PTPRD: variants seen among roughly 807,000 people sequenced by gnomAD.
PTPRD encodes receptor-type tyrosine-protein phosphatase delta.
A neutral mutation model predicts 214.5 loss-of-function variants in PTPRD; 34 were observed. The ratio of observed to expected loss-of-function variants is 0.16; its 90% CI spans 0.12 to 0.21. The LOEUF (loss-of-function observed/expected upper bound fraction) is 0.21, where lower values mean the gene tolerates loss of function less well. Ranked by LOEUF, PTPRD falls within the 10% of genes least tolerant of loss-of-function variation. The probability of loss-of-function intolerance (pLI) is 1.00; values close to 1 mark genes in which losing one functional copy is unlikely to be tolerated. For missense variants in PTPRD, 2,545 were observed against 2,398.7 expected (o/e 1.06, Z -1.27); for synonymous variants, 1,128 against 845.7 (o/e 1.33, Z -5.79).
chr9:8,939,510 T>C (rs556054581), intron 11 of PTPRD, among the ~76,000 whole-genome samples: 1 of 152,282 alleles, frequency 6.6e-6, no homozygotes, highest in South Asian at 2.1e-4. Context: ...GTAAATAAAA[T>C]GTATAGCATT....
intron 5 of PTPRD, among the ~76,000 whole-genome samples, chr9:9,864,260 C>G (rs1191928259): frequency 6.6e-6 from 1 of 151,626 alleles, no homozygotes. Context: ...GAGCCGAGAT[C>G]GCGCCTCTGC....
Position 10,533,201 on chromosome 9 carries a change from C to T in PTPRD, c.-600+79197G>A, listed in dbSNP as rs1324052707. Among the ~76,000 whole-genome samples the T allele has an allele frequency of 6.6e-5, 10 of 152,092 alleles. No individual in the cohort carries two copies. In the South Asian group the frequency reaches 1.9e-3, roughly 28 times the overall value. ...GAGTGGAAGCAGCCTGAGGCCCTCACCAGATGTCACCACTCAATTGTAAAC... is the reference window on the plus strand; with the variant it reads ...GAGTGGAAGCAGCCTGAGGCCCTCATCAGATGTCACCACTCAATTGTAAAC... On this transcript the variant is annotated intron_variant, in intron 2 of 45. Transcript: ENST00000381196.
intron 8 of PTPRD, among the ~76,000 whole-genome samples, chr9:9,498,311 T>C (rs1036195249): frequency 2.6e-5 from 4 of 152,262 alleles, no homozygotes; most frequent in Admixed American, 6.5e-5. Flanking sequence ...ACATAAATGA[T>C]GTATTGCACA....
At position 8,584,335 on chromosome 9, in the gene PTPRD, G is replaced by T. The variant is rs182990435; in HGVS notation, c.352+48982C>A. 1.8e-3 allele frequency among the ~76,000 whole-genome samples: 281 copies of T among 151,948 alleles called. 2 individuals are homozygous for T. The highest frequency in any genetic ancestry group is 3.5e-3 in the Non-Finnish European group (236 of 67,984). On this transcript the variant is annotated intron_variant, in intron 14 of 45. Coordinates refer to ENST00000381196, the MANE Select transcript of PTPRD (RefSeq NM_002839.4). ...ACGATGTCTTTTCTGGTCACATCTTGCAACCAAACCCCAGACCATTAGGTT... is the reference window on the plus strand; with the variant it reads ...ACGATGTCTTTTCTGGTCACATCTTTCAACCAAACCCCAGACCATTAGGTT...
chr9:8,518,145 C>G lies in PTPRD; in HGVS notation c.1246G>C (p.Ala416Pro), dbSNP rs1343614997. 12 of 1,614,000 alleles carry G rather than the reference C, an allele frequency of 7.4e-6. No individual in the cohort carries two copies. Among genetic ancestry groups the G allele is most frequent in the Non-Finnish European group, 1.0e-5 (12 of 1,180,024 alleles). ...ACATCCCTCGGGGCACTGGATGGTG[C>G]TTGCTCTGAGGTTTGTGTTAGCACA... ...EPVLTQTSEQ[A>P]PSSAPRDVQA... The change falls in exon 21 of 46, where the codon GCA becomes CCA. Residue 416 changes from alanine to proline, a missense_variant. Transcript: ENST00000381196.
intron 2 of PTPRD, among the ~76,000 whole-genome samples, chr9:10,605,630 G>A (rs1376247672): frequency 6.6e-6 from 1 of 151,784 alleles, no homozygotes; most frequent in Non-Finnish European, 1.5e-5. Context: ...AAAGGAGAAG[G>A]ACAATAAGGT....
At chr9:9,048,868 T>C (rs1590515764) in intron 10 of PTPRD, among the ~76,000 whole-genome samples, 1 of 152,180 alleles carries the variant, frequency 6.6e-6, no homozygotes. Flanking sequence ...ATACCCCATT[T>C]TCCATGATGT....
chr9:9,664,189 TA>T (rs906906268), intron 7 of PTPRD, among the ~76,000 whole-genome samples: 39 of 150,884 alleles, frequency 2.6e-4, no homozygotes, highest in African/African-American at 9.4e-4. Flanking sequence ...AAATTAAAAT[TA>T]AAAAAATAAA....
intron 4 of PTPRD, among the ~76,000 whole-genome samples, chr9:9,993,793 C>A (rs1225683517): frequency 2.0e-5 from 3 of 151,984 alleles, no homozygotes; most frequent in African/African-American, 4.8e-5. Flanking sequence ...TTCTGTTATA[C>A]TTGAATTAAG....
chr9:8,850,877 G>T (rs1010280433), intron 11 of PTPRD, among the ~76,000 whole-genome samples: 1 of 152,148 alleles, frequency 6.6e-6, no homozygotes, highest in Admixed American at 6.5e-5. Flanking sequence ...CCTTTAGATG[G>T]GATGGGCCAG....
chr9:10,470,540 TC>T (rs1332731040), intron 2 of PTPRD, among the ~76,000 whole-genome samples: 1 of 152,136 alleles, frequency 6.6e-6, no homozygotes, highest in Non-Finnish European at 1.5e-5. Context: ...CACCCTAACT[TC>T]CTGATAGCGG....
In PTPRD at chr9:8,316,940, A is replaced by G. The variant is rs539930655; in HGVS notation, c.*934T>C. On this transcript the variant is annotated 3_prime_UTR_variant, in exon 46 of 46. Transcript: ENST00000381196. ...TATTTTTTGTGTGGACACACTGTCTATATATACATAGACACCCTTATAAAA... is the reference window on the plus strand; with the variant it reads ...TATTTTTTGTGTGGACACACTGTCTGTATATACATAGACACCCTTATAAAA... 4.3e-6 allele frequency: 1 copy of G among 231,542 alleles called. No homozygotes were observed. Among genetic ancestry groups the G allele is most frequent in the South Asian group, 1.8e-4 (1 of 5,512 alleles). The allele number at this position is 231,542 out of a possible 1,614,324, so 14.3% of individuals were successfully genotyped here.
At chr9:8,643,329 G>T (rs151284711) in intron 12 of PTPRD, among the ~76,000 whole-genome samples, 1 of 151,704 alleles carries the variant, frequency 6.6e-6, no homozygotes, top group East Asian at 2.0e-4. Flanking sequence ...AAGCTTTTTA[G>T]TAATATAGGT....
chr9:8,566,100 A>ATATGTGTGTGTGTGTGTGTGTGTG, intron 14 of PTPRD, among the ~76,000 whole-genome samples: 1 of 137,922 alleles, frequency 7.3e-6, no homozygotes, highest in South Asian at 2.4e-4. Context: ...AATGCAAAAT[A>ATATGTGTGTGTGTGTGTGTGTGTG]TGTGTGTGTG....
chr9:9,677,353 C>T (rs1428045195), intron 7 of PTPRD, among the ~76,000 whole-genome samples: 1 of 152,000 alleles, frequency 6.6e-6, no homozygotes, highest in East Asian at 1.9e-4. Flanking sequence ...ATATGGCTAG[C>T]CAGTTTTCCC....
At chr9:9,228,494 T>C (rs1488825553) in intron 9 of PTPRD, among the ~76,000 whole-genome samples, 1 of 152,128 alleles carries the variant, frequency 6.6e-6, no homozygotes, top group African/African-American at 2.4e-5. Context: ...TATATACATA[T>C]CTGAATGTGT....
chr9:10,272,190 C>T (rs1177911011), intron 3 of PTPRD, among the ~76,000 whole-genome samples: 3 of 152,108 alleles, frequency 2.0e-5, no homozygotes, highest in Non-Finnish European at 2.9e-5. Flanking sequence ...TTCACATAAA[C>T]GAAATCATAT....
intron 10 of PTPRD, among the ~76,000 whole-genome samples, chr9:9,072,280 TACACACACACACACAC>T (rs201508445): frequency 1.5e-5 from 2 of 135,634 alleles, no homozygotes; most frequent in African/African-American, 2.7e-5. Flanking sequence ...GCTGGCAACT[TACACACACACACACAC>T]ACACACACAC....
At chr9:9,864,183 G>A (rs1317347077) in intron 5 of PTPRD, among the ~76,000 whole-genome samples, 2 of 152,146 alleles carry the variant, frequency 1.3e-5, no homozygotes, top group Admixed American at 6.5e-5. Flanking sequence ...GCGGGTGCCC[G>A]CAGTCCCAGC....
Sources: gnomAD v4.1 joint callset for allele counts (sites outside exome capture counted in the v4.1 genomes callset) on GRCh38, gnomAD v4.1.1 for gene constraint, MANE v1.5 for transcripts, NCBI Gene and HGNC (gene_info 2026-07-23, HGNC 2026-07-21) for gene names.